RCC1L: variants seen among roughly 807,000 people sequenced by gnomAD.
RCC1L encodes RCC1-like G exchanging factor-like protein.
RCC1L carries 46 observed loss-of-function variants against 58.6 expected under a neutral mutation model. The ratio of observed to expected loss-of-function variants is 0.79; its 90% CI spans 0.62 to 1.00. The LOEUF (loss-of-function observed/expected upper bound fraction) is 1.00. RCC1L is among the 50% of genes least tolerant of loss of function. The pLI is 0.00. For synonymous variants in RCC1L, 281 were observed against 262.9 expected, an observed-to-expected ratio of 1.07 and a Z score of -0.67; for missense variants, 636 against 623.6, an observed-to-expected ratio of 1.02 and a Z score of -0.21.
chr7:75,073,309 T>A, intron 1 of RCC1L, 105 bp downstream of exon 1: 1 of 508,174 alleles, frequency 2.0e-6, no homozygotes, highest in Non-Finnish European at 3.2e-6. Flanking sequence ...GCCGGAAGTC[T>A]GTCCACCCAG....
At chr7:75,035,634 A>G (rs2131969821) in intron 10 of RCC1L, among the ~76,000 whole-genome samples, 1 of 152,262 alleles carries the variant, frequency 6.6e-6, no homozygotes, top group African/African-American at 2.4e-5. Flanking sequence ...CATTATTTAT[A>G]ATGGTCAAAA....
At chr7:75,073,043 A>G (rs1255075165) in intron 1 of RCC1L, among the ~76,000 whole-genome samples, 1 of 152,212 alleles carries the variant, frequency 6.6e-6, no homozygotes, top group African/African-American at 2.4e-5. Flanking sequence ...CTTTCCTAAC[A>G]TCAGAACTCC....
At chr7:75,036,659 C>A (rs1052408344) in intron 10 of RCC1L, among the ~76,000 whole-genome samples, 1 of 151,982 alleles carries the variant, frequency 6.6e-6, no homozygotes, top group Admixed American at 6.5e-5. Context: ...TTTGGGAGGC[C>A]GAGGTGGGCG....
intron 9 of RCC1L, 71 bp downstream of exon 9, chr7:75,055,830 G>C: frequency 6.9e-6 from 11 of 1,584,932 alleles, no homozygotes; most frequent in Non-Finnish European, 9.5e-6. Context: ...GCTGCCCGCA[G>C]TTTGGGGTTG....
chr7:75,028,156 C>G, intron 10 of RCC1L: 3 of 1,351,214 alleles, frequency 2.2e-6, no homozygotes, highest in Non-Finnish European at 2.9e-6. Context: ...CTTGCTCTGT[C>G]GCCCAGGCTG....
At chr7:75,036,582 T>C (rs1805434493) in intron 10 of RCC1L, among the ~76,000 whole-genome samples, 2 of 151,990 alleles carry the variant, frequency 1.3e-5, no homozygotes, top group Non-Finnish European at 1.5e-5. Context: ...TTATCAATCA[T>C]CTTCTTCATC....
chr7:75,068,400 T>C (rs1554445534), intron 2 of RCC1L, among the ~76,000 whole-genome samples: 1 of 148,538 alleles, frequency 6.7e-6, no homozygotes, highest in East Asian at 2.0e-4. Context: ...ACATCTGATA[T>C]ATAGGTCGGG....
At chr7:75,033,613 T>A (rs1394351363) in intron 10 of RCC1L, among the ~76,000 whole-genome samples, 2 of 151,696 alleles carry the variant, frequency 1.3e-5, no homozygotes, top group African/African-American at 4.8e-5. Context: ...AAGAATCGCT[T>A]GAACCTGGGA....
downstream of RCC1L, among the ~76,000 whole-genome samples, chr7:75,041,233 ACT>A (rs1805554893): frequency 3.5e-4 from 53 of 151,014 alleles, no homozygotes; most frequent in Admixed American, 4.0e-4. Context: ...TAACTAACTA[ACT>A]AACTAAATAA....
chr7:75,027,956 A>G, exon 11 of RCC1L: 13 of 1,446,552 alleles, frequency 9.0e-6, no homozygotes, highest in Non-Finnish European at 1.2e-5. Flanking sequence ...TTGGAGGGGC[A>G]TGTGTTTCTC....
At chr7:75,068,892 C>T (rs890142778) in intron 2 of RCC1L, among the ~76,000 whole-genome samples, 5 of 151,834 alleles carry the variant, frequency 3.3e-5, no homozygotes, top group South Asian at 2.1e-4. Flanking sequence ...TATTTTGAGA[C>T]GGAGTCTTGC....
intron 1 of RCC1L, among the ~76,000 whole-genome samples, chr7:75,071,775 T>G (rs782362212): frequency 6.6e-6 from 1 of 152,114 alleles, no homozygotes; most frequent in Non-Finnish European, 1.5e-5. Flanking sequence ...TTACTTTACC[T>G]CTATATCTGT....
intron 10 of RCC1L, among the ~76,000 whole-genome samples, chr7:75,052,020 C>T (rs1047446534): frequency 2.0e-5 from 3 of 152,024 alleles, no homozygotes; most frequent in Admixed American, 2.0e-4. Context: ...TTTTAGAATG[C>T]CTTAAAGAAC....
chr7:75,068,583 G>C (rs1321186352), intron 2 of RCC1L, among the ~76,000 whole-genome samples: 1 of 150,974 alleles, frequency 6.6e-6, no homozygotes, highest in African/African-American at 2.4e-5. Context: ...CTACTCAGGA[G>C]GCCGAGGCAA....
intron 1 of RCC1L, among the ~76,000 whole-genome samples, chr7:75,071,463 T>C (rs1301149451): frequency 1.3e-5 from 2 of 151,962 alleles, no homozygotes; most frequent in East Asian, 1.9e-4. Context: ...TTGGCCAACA[T>C]GGTGAAACCC....
chr7:75,040,120 C>T (rs998221978), downstream of RCC1L, among the ~76,000 whole-genome samples: 269 of 152,224 alleles, frequency 1.8e-3, 1 homozygote, highest in South Asian at 8.9e-3. Flanking sequence ...AAAGACAAAC[C>T]GAAGGACGTC....
At chr7:75,027,653 C>T in exon 11 of RCC1L, 1 of 282,304 alleles carries the variant, frequency 3.5e-6, no homozygotes, top group East Asian at 1.1e-4. Context: ...TCCGCCCTGG[C>T]TGGCTCTGCA....
At chr7:75,035,113 C>A (rs1006049973) in intron 10 of RCC1L, among the ~76,000 whole-genome samples, 2 of 152,196 alleles carry the variant, frequency 1.3e-5, no homozygotes, top group African/African-American at 2.4e-5. Flanking sequence ...TCACTGCAGC[C>A]CCCAACTCCC....
intron 6 of RCC1L, among the ~76,000 whole-genome samples, chr7:75,060,483 T>A (rs1441671337): frequency 6.6e-6 from 1 of 152,174 alleles, no homozygotes; most frequent in African/African-American, 2.4e-5. Context: ...CAGGCTGGAG[T>A]GCAATGGCGC....
Sources: gnomAD v4.1 joint callset for allele counts (sites outside exome capture counted in the v4.1 genomes callset) on GRCh38, gnomAD v4.1.1 for gene constraint, MANE v1.5 for transcripts, NCBI Gene and HGNC (gene_info 2026-07-23, HGNC 2026-07-21) for gene names.